ERI1: variants seen among roughly 807,000 people sequenced by gnomAD.
The protein encoded by ERI1 is 3'-5' exoribonuclease 1.
ERI1 carries 39 observed loss-of-function variants against 39.7 expected under a neutral mutation model. The observed-to-expected ratio is 0.98, with a 90% confidence interval of 0.76 to 1.28. The LOEUF (loss-of-function observed/expected upper bound fraction) is 1.28. Among genes scored for constraint, ERI1 ranks in the 50% most tolerant of loss-of-function variants. The pLI, the probability that ERI1 is intolerant of heterozygous loss-of-function variation, is 0.00. For missense variants in ERI1, 581 were observed against 416.9 expected (o/e 1.39, Z -3.43); for synonymous variants, 204 against 149.6 (o/e 1.36, Z -2.65).
At chr8:9,024,511 C>A (rs1016188127) in intron 6 of ERI1, among the ~76,000 whole-genome samples, 1 of 152,124 alleles carries the variant, frequency 6.6e-6, no homozygotes, top group Admixed American at 6.5e-5. Context: ...ACCTGCGCCT[C>A]CTGGGTTCAA....
chr8:9,082,073 G>T (rs1799389190), intron 3 of ERI1, among the ~76,000 whole-genome samples: 1 of 152,064 alleles, frequency 6.6e-6, no homozygotes, highest in African/African-American at 2.4e-5. Context: ...TTTAACCTCA[G>T]AGTAGAATGG....
At chr8:9,093,828 C>T (rs190174684) in intron 3 of ERI1, among the ~76,000 whole-genome samples, 7 of 152,274 alleles carry the variant, frequency 4.6e-5, no homozygotes, top group East Asian at 1.9e-4. Flanking sequence ...CCACTCGCCT[C>T]GGCCTCCCAA....
chr8:9,080,847 G>T (rs574125791), intron 3 of ERI1, among the ~76,000 whole-genome samples: 6 of 152,300 alleles, frequency 3.9e-5, no homozygotes, highest in African/African-American at 1.4e-4. Flanking sequence ...GGGGCAGACA[G>T]CACAGCCCAG....
At chr8:9,016,850 C>G (rs1346381503) in intron 4 of ERI1, among the ~76,000 whole-genome samples, 1 of 151,766 alleles carries the variant, frequency 6.6e-6, no homozygotes, top group African/African-American at 2.4e-5. Flanking sequence ...CCACACCCGG[C>G]TAATTTTTTT....
chr8:9,019,013 T>C (rs943986790), intron 5 of ERI1, among the ~76,000 whole-genome samples: 1 of 152,230 alleles, frequency 6.6e-6, no homozygotes, highest in Admixed American at 6.5e-5. Context: ...TTTGTGTACA[T>C]ACATAAGACT....
At chr8:9,086,811 T>C (rs574758354) in intron 3 of ERI1, among the ~76,000 whole-genome samples, 2 of 152,332 alleles carry the variant, frequency 1.3e-5, no homozygotes, top group African/African-American at 4.8e-5. Context: ...CTTGGATAAA[T>C]ACTCATACTG....
At chr8:9,090,910 T>C (rs949228665) in intron 3 of ERI1, among the ~76,000 whole-genome samples, 16 of 152,226 alleles carry the variant, frequency 1.1e-4, no homozygotes, top group African/African-American at 3.9e-4. Flanking sequence ...ATATTTATTT[T>C]CTGTATTTTA....
intron 3 of ERI1, among the ~76,000 whole-genome samples, chr8:9,077,419 T>A (rs1220128323): frequency 6.6e-6 from 1 of 152,080 alleles, no homozygotes; most frequent in Non-Finnish European, 1.5e-5. Context: ...AGAAAAGGCA[T>A]ACAAATTTAT....
At chr8:9,003,913 G>A (rs1815658291) in intron 1 of ERI1, among the ~76,000 whole-genome samples, 1 of 152,152 alleles carries the variant, frequency 6.6e-6, no homozygotes, top group Admixed American at 6.5e-5. Context: ...TGCTCCTTCC[G>A]TCCACAGTCA....
chr8:9,021,600 T>A (rs1470093918), intron 6 of ERI1, among the ~76,000 whole-genome samples: 2 of 152,174 alleles, frequency 1.3e-5, no homozygotes, highest in Admixed American at 1.3e-4. Context: ...TCCACCCACT[T>A]AACTCCCTTC....
downstream of ERI1, among the ~76,000 whole-genome samples, chr8:9,033,759 C>G (rs145558690): frequency 6.6e-6 from 1 of 152,152 alleles, no homozygotes; most frequent in East Asian, 1.9e-4. Context: ...TGGCTTGAGC[C>G]TTGCTCTTTA....
intron 6 of ERI1, among the ~76,000 whole-genome samples, chr8:9,021,134 C>T (rs1817844326): frequency 6.6e-6 from 1 of 152,124 alleles, no homozygotes; most frequent in Admixed American, 6.5e-5. Flanking sequence ...TGTTCATACT[C>T]CCGTGACTAT....
chr8:9,034,713 G>T (rs560507374), downstream of ERI1, among the ~76,000 whole-genome samples: 62 of 152,118 alleles, frequency 4.1e-4, no homozygotes, highest in Non-Finnish European at 8.4e-4. Context: ...TAAGTGTTCA[G>T]GTGAAAGGAA....
At chr8:9,070,636 A>C (rs936724836) in intron 3 of ERI1, among the ~76,000 whole-genome samples, 9 of 152,262 alleles carry the variant, frequency 5.9e-5, no homozygotes, top group African/African-American at 2.2e-4. Context: ...TAATGAACAC[A>C]CACAGGAGTC....
At chr8:9,071,235 G>A (rs1485434770) in intron 3 of ERI1, among the ~76,000 whole-genome samples, 3 of 152,146 alleles carry the variant, frequency 2.0e-5, no homozygotes, top group Admixed American at 6.6e-5. Flanking sequence ...CCTAACCACT[G>A]TAATAAATCT....
At chr8:9,035,257 G>A (rs774920108), downstream of ERI1, among the ~76,000 whole-genome samples, 2 of 152,222 alleles carry the variant, frequency 1.3e-5, no homozygotes, top group Non-Finnish European at 2.9e-5. Context: ...CATACAACAG[G>A]TTTTCAATGT....
chr8:9,092,724 T>C (rs73520791), intron 3 of ERI1, among the ~76,000 whole-genome samples: 2 of 152,192 alleles, frequency 1.3e-5, no homozygotes, highest in African/African-American at 4.8e-5. Flanking sequence ...CCTGAGTTCT[T>C]GAGACCAGGG....
rs191168624 is a variant in ERI1 at position 9,030,055 on chromosome 8, C to T, written c.*21C>T. On this transcript the variant is annotated 3_prime_UTR_variant, in exon 7 of 7. Coordinates refer to ENST00000250263, the MANE Select transcript of ERI1 (RefSeq NM_153332.4). Reference sequence around the variant, plus strand: ...AGTAACAACAGTTTTGTGTGTGGATCATTCCAATTGAAGTTGCTATGAAGA... The same window carrying T: ...AGTAACAACAGTTTTGTGTGTGGATTATTCCAATTGAAGTTGCTATGAAGA... 1,371 of 1,609,634 alleles carry T rather than the reference C, an allele frequency of 8.5e-4. 16 individuals are homozygous for T. Among genetic ancestry groups the T allele is most frequent in the East Asian group, 1.1e-3 (47 of 44,740 alleles).
chr8:9,085,321 G>A (rs1799491262), intron 3 of ERI1, among the ~76,000 whole-genome samples: 1 of 152,052 alleles, frequency 6.6e-6, no homozygotes, highest in South Asian at 2.1e-4. Flanking sequence ...TGATTCTCCT[G>A]CTTCAGCCTC....
Sources: allele counts gnomAD v4.1 joint callset (sites outside exome capture counted in the v4.1 genomes callset), GRCh38; gene constraint gnomAD v4.1.1; transcripts MANE v1.5; gene names NCBI Gene and HGNC (gene_info 2026-07-23, HGNC 2026-07-21).